Variants in INTS6L observed in about 807,000 individuals in gnomAD.
INTS6L encodes the protein integrator complex subunit 6 like, also known as integrator complex subunit 6-like.
Under a neutral mutation model 64.7 loss-of-function variants are expected in INTS6L, and 18 were observed. The observed-to-expected ratio is 0.28, with a 90% CI of 0.19 to 0.41. The LOEUF (loss-of-function observed/expected upper bound fraction) is 0.41, where lower values mean the gene tolerates loss of function less well. INTS6L is among the 10% of genes least tolerant of loss of function. The pLI is 1.00. For synonymous variants in INTS6L, 227 were observed against 235.9 expected (o/e 0.96, Z 0.34); for missense variants, 533 against 661.0 (o/e 0.81, Z 2.12).
chrX:135,552,628 A>T (rs1381366682), intron 8 of INTS6L, among the ~76,000 whole-genome samples: 1 of 112,398 alleles, frequency 8.9e-6, no homozygotes, highest in Non-Finnish European at 1.9e-5. Context: ...ACACTAAAAA[A>T]TGTGTGTAAT....
In INTS6L at chrX:135,574,001, G is replaced by C. The variant is rs1556529354; in HGVS notation, c.1680G>C (p.Gln560His). The C allele has an allele frequency of 2.5e-6, 3 of 1,207,053 alleles. No individual in the cohort carries two copies. The highest frequency in any genetic ancestry group is 4.4e-5 in the Admixed American group (2 of 45,374). Residue 560 changes from glutamine to histidine, a missense_variant, in exon 13 of 18, where the codon CAG becomes CAC. By Grantham distance (24) the Gln-to-His change is conservative. Transcript: ENST00000639893. ...YDIPRRGLLD[Q>H]LTRMRSNLLK... ...TTCCCCGTAGAGGTCTTTTAGACCAGCTGACCAGAATGAGATCCAATCTGC... is the reference window on the plus strand; with the variant it reads ...TTCCCCGTAGAGGTCTTTTAGACCACCTGACCAGAATGAGATCCAATCTGC...
chrX:135,573,122 C>A, intron 12 of INTS6L, 89 bp downstream of exon 12: 1 of 826,814 alleles, frequency 1.2e-6, no homozygotes, highest in Non-Finnish European at 1.7e-6. Flanking sequence ...AAATAATGGA[C>A]AATCCTATTT....
intron 9 of INTS6L, among the ~76,000 whole-genome samples, chrX:135,564,810 T>C (rs188108537): frequency 2.2e-4 from 25 of 111,430 alleles, no homozygotes; most frequent in Middle Eastern, 4.6e-3. Context: ...ATTTTCAATA[T>C]TTTGTTATGA....
chrX:135,576,327 C>CA (rs34207940), intron 14 of INTS6L, among the ~76,000 whole-genome samples: 3,519 of 69,365 alleles, frequency 0.051, 186 homozygotes, highest in African/African-American at 0.11. Context: ...GACTCCATCT[C>CA]AAAAAAAAAA....
At chrX:135,534,590 T>C (rs1424929594) in intron 2 of INTS6L, among the ~76,000 whole-genome samples, 2 of 110,800 alleles carry the variant, frequency 1.8e-5, no homozygotes, top group Non-Finnish European at 3.8e-5. Context: ...TAAAATGGGC[T>C]TTGCACATTT....
In INTS6L at chrX:135,579,634, T is replaced by G. The variant is rs782312272; in HGVS notation, c.2120-154T>G. Among the ~76,000 whole-genome samples, 15 of 112,060 alleles carry G rather than the reference T, an allele frequency of 1.3e-4. No homozygotes were observed. In the Admixed American group the frequency reaches 1.4e-3, roughly 11 times the overall value. On this transcript the variant is annotated intron_variant, in intron 15 of 17. Coordinates refer to ENST00000639893, the MANE Select transcript of INTS6L (RefSeq NM_001351601.3). ...AGAGGTGGTTTTATTGTATTATGTG[T>G]CCTGGCCTCAATTTGAGGGGTCTCA...
chrX:135,550,422 T>C (rs911019560), intron 7 of INTS6L, among the ~76,000 whole-genome samples: 1 of 79,536 alleles, frequency 1.3e-5, no homozygotes, highest in Non-Finnish European at 2.3e-5. Flanking sequence ...CAGTGCCAGA[T>C]CAATTGGCTT....
At chrX:135,556,143 G>C (rs1556519163) in intron 8 of INTS6L, 25 bp from the exon 9 acceptor site, 1 of 1,156,723 alleles carries the variant, frequency 8.6e-7, no homozygotes. Context: ...TGTCATCACT[G>C]TGCATTACTT....
At chrX:135,579,616 GT>G (rs2087319549) in intron 15 of INTS6L, among the ~76,000 whole-genome samples, 171 bp from the exon 16 acceptor site, 1 of 111,964 alleles carries the variant, frequency 8.9e-6, no homozygotes, top group Non-Finnish European at 1.9e-5. Context: ...ATAAGAGGTG[GT>G]TTTATTGTAT....
At chrX:135,576,385 G>A (rs2087229299) in intron 14 of INTS6L, among the ~76,000 whole-genome samples, 1 of 108,771 alleles carries the variant, frequency 9.2e-6, no homozygotes, top group Non-Finnish European at 1.9e-5. Flanking sequence ...ATAATATTAA[G>A]TGAGTACATG....
Position 135,580,953 on chromosome X carries a change from C to G in INTS6L, c.2495-97C>G, listed in dbSNP as rs927167560. On this transcript the variant is annotated intron_variant, in intron 16 of 17. Coordinates refer to ENST00000639893, the MANE Select transcript of INTS6L (RefSeq NM_001351601.3). ...TAAAATACAAACTACATCTAACTTT[C>G]CACTCACGAAGAACAATTACTAAGG... 4 of 586,672 alleles carry G rather than the reference C, an allele frequency of 6.8e-6. No individual in the cohort carries two copies. In the South Asian group the frequency reaches 1.9e-4, roughly 28 times the overall value. The allele number at this position is 586,672 out of a possible 1,213,427, so 48.3% of individuals were successfully genotyped here.
At chrX:135,549,342 G>T (rs1361993958) in intron 6 of INTS6L, among the ~76,000 whole-genome samples, 1 of 111,989 alleles carries the variant, frequency 8.9e-6, no homozygotes, top group Non-Finnish European at 1.9e-5. Flanking sequence ...TTATGTGTAC[G>T]AGTCTCAGAA....
chrX:135,570,975 C>G (rs782417120), intron 11 of INTS6L: 1 of 120,698 alleles, frequency 8.3e-6, no homozygotes, highest in East Asian at 2.4e-4. Flanking sequence ...AGGACTTATA[C>G]TCACATGCTA....
At chrX:135,558,898 G>A (rs1427419850) in intron 9 of INTS6L, among the ~76,000 whole-genome samples, 2 of 105,130 alleles carry the variant, frequency 1.9e-5, no homozygotes, top group African/African-American at 7.0e-5. Flanking sequence ...TGACTCTCCC[G>A]CCTCAGCCTC....
chrX:135,579,394 G>A (rs1331108239), intron 15 of INTS6L, among the ~76,000 whole-genome samples: 2 of 112,330 alleles, frequency 1.8e-5, no homozygotes, highest in African/African-American at 3.2e-5. Context: ...GAGGCAGGTT[G>A]TGGTGTATCC....
chrX:135,566,979 A>G (rs1436851403), intron 9 of INTS6L, among the ~76,000 whole-genome samples: 1 of 112,128 alleles, frequency 8.9e-6, no homozygotes, highest in South Asian at 3.7e-4. Flanking sequence ...ATCAGTCACT[A>G]TGTATCTGGT....
chrX:135,540,101 A>C (rs1424719808), intron 2 of INTS6L, among the ~76,000 whole-genome samples: 1 of 112,491 alleles, frequency 8.9e-6, no homozygotes, highest in Non-Finnish European at 1.9e-5. Context: ...TAAAAAATGC[A>C]ATATCTGTGT....
At chrX:135,579,624 G>A (rs2087319757) in intron 15 of INTS6L, among the ~76,000 whole-genome samples, 164 bp from the exon 16 acceptor site, 1 of 111,881 alleles carries the variant, frequency 8.9e-6, no homozygotes, top group African/African-American at 3.2e-5. Flanking sequence ...TGGTTTTATT[G>A]TATTATGTGT....
intron 9 of INTS6L, among the ~76,000 whole-genome samples, chrX:135,567,934 A>G (rs1000263349): frequency 1.8e-5 from 2 of 112,095 alleles, no homozygotes; most frequent in African/African-American, 6.5e-5. Flanking sequence ...AGTAATTCAG[A>G]TTTTCAAAGA....
Sources: allele counts gnomAD v4.1 joint callset (sites outside exome capture counted in the v4.1 genomes callset), GRCh38; gene constraint gnomAD v4.1.1; transcripts MANE v1.5; gene names NCBI Gene and HGNC (gene_info 2026-07-23, HGNC 2026-07-21).